The following CDHR4 variants were observed in gnomAD, a reference collection of about 807,000 sequenced individuals.
The protein encoded by CDHR4 is cadherin-related family member 4.
In CDHR4, 89 loss-of-function variants were observed where a neutral mutation model predicts 88.4. The ratio of observed to expected loss-of-function variants is 1.01; its 90% CI spans 0.85 to 1.20. The LOEUF (loss-of-function observed/expected upper bound fraction) is 1.20. Among genes scored for constraint, CDHR4 ranks in the 50% most tolerant of loss-of-function variants. The probability of loss-of-function intolerance (pLI) is 0.00; values close to 1 mark genes in which losing one functional copy is unlikely to be tolerated. For missense variants in CDHR4, 914 were observed against 1,007.2 expected, an observed-to-expected ratio of 0.91 and a Z score of 1.25; for synonymous variants, 368 against 399.2, an observed-to-expected ratio of 0.92 and a Z score of 0.93.
intron 16 of CDHR4, 41 bp downstream of exon 16, chr3:49,791,862 A>C: frequency 6.4e-7 from 1 of 1,551,626 alleles, no homozygotes; most frequent in Non-Finnish European, 8.7e-7. Context: ...TGAGTTTAAG[A>C]GATGGGATCC....
intron 4 of CDHR4, among the ~76,000 whole-genome samples, 169 bp from the exon 5 acceptor site, chr3:49,797,201 T>C (rs1421000557): frequency 1.3e-5 from 2 of 151,404 alleles, no homozygotes; most frequent in Non-Finnish European, 2.9e-5. Context: ...TTCCTTCCTT[T>C]CTTTCTTTCC....
upstream of CDHR4, among the ~76,000 whole-genome samples, chr3:49,800,113 C>A (rs978092225): frequency 1.3e-5 from 2 of 152,132 alleles, no homozygotes; most frequent in African/African-American, 4.8e-5. Context: ...ATAGAGCAAG[C>A]ACAGCACCCA....
intron 15 of CDHR4, among the ~76,000 whole-genome samples, 173 bp from the exon 16 acceptor site, chr3:49,792,132 G>C (rs1249878825): frequency 1.3e-5 from 2 of 152,192 alleles, no homozygotes; most frequent in East Asian, 1.9e-4. Context: ...AGGAACTTCA[G>C]AGTCTACAGG....
Position 49,791,893 on chromosome 3 carries a change from G to C in CDHR4, c.2195+10C>G, listed in dbSNP as rs62260715. The C allele has an allele frequency of 6.4e-7, 1 of 1,551,560 alleles. No homozygotes were observed. The highest frequency in any genetic ancestry group is 1.4e-5 in the African/African-American group (1 of 73,160). ...GATCCCAGGCATAGAAGTATGCAAA[G>C]GAGACTGACCTGTTTAGCAGCAAAG... On this transcript the variant is annotated intron_variant, in intron 16 of 18. Coordinates refer to ENST00000412678, the MANE Select transcript of CDHR4 (RefSeq NM_001007540.4).
Position 49,790,796 on chromosome 3 carries a change from A to G in CDHR4, c.*36T>C. On this transcript the variant is annotated 3_prime_UTR_variant, in exon 19 of 19. Transcript: ENST00000412678. ...AAATACAGCCCATGATGGTGTGAAA[A>G]AGAAATTCCACACATAGTAAGACAG... 6.6e-7 allele frequency: 1 copy of G among 1,526,246 alleles called. No homozygotes were observed. Among genetic ancestry groups the G allele is most frequent in the Non-Finnish European group, 8.8e-7 (1 of 1,131,718 alleles). 94.5% of individuals were successfully genotyped at this position (1,526,246 alleles called of 1,614,324 possible). A position where few individuals can be genotyped will look rare whatever the true frequency, so the allele number is the denominator to read the frequency against.
At position 49,795,462 on chromosome 3, in the gene CDHR4, C is replaced by A. The variant is rs1358629454; in HGVS notation, c.848-83G>T. 1.1e-5 allele frequency: 17 copies of A among 1,503,108 alleles called. No homozygotes were observed. Among genetic ancestry groups the A allele is most frequent in the Non-Finnish European group, 1.5e-5 (17 of 1,120,364 alleles). 93.1% of individuals were successfully genotyped at this position (1,503,108 alleles called of 1,614,324 possible). ...GCCTCCCAGCTCAGTCCCACTCCTGCCAGCCCACCAGATCCATAGGCAAAG... is the reference window on the plus strand; with the variant it reads ...GCCTCCCAGCTCAGTCCCACTCCTGACAGCCCACCAGATCCATAGGCAAAG... On this transcript the variant is annotated intron_variant, in intron 7 of 18. Transcript: ENST00000412678. This position sits in a 1 kb window ranked among gnomAD's most constrained non-coding sequence, Gnocchi z 5.4.
At chr3:49,797,473 TTTCCTTCC>T (rs200572848) in intron 4 of CDHR4, among the ~76,000 whole-genome samples, 9 of 151,530 alleles carry the variant, frequency 5.9e-5, no homozygotes, top group South Asian at 2.1e-4. Context: ...CCTTTCCTTC[TTTCCTTCC>T]TTCCTTCCTT....
chr3:49,791,638 A>T (rs2081181317), intron 17 of CDHR4, 76 bp downstream of exon 17: 2 of 1,516,624 alleles, frequency 1.3e-6, no homozygotes, highest in South Asian at 2.4e-5. Context: ...GGCATGGGAA[A>T]AAAGGCTTGG....
In CDHR4 at chr3:49,795,458, C is replaced by G; in HGVS notation, c.848-79G>C. On this transcript the variant is annotated intron_variant, in intron 7 of 18. Coordinates refer to ENST00000412678, the MANE Select transcript of CDHR4 (RefSeq NM_001007540.4). The surrounding 1 kb of genome is among the most constrained non-coding windows in gnomAD (Gnocchi z 5.4). ...CCCCGCCTCCCAGCTCAGTCCCACT[C>G]CTGCCAGCCCACCAGATCCATAGGC... The G allele has an allele frequency of 6.6e-7, 1 of 1,508,208 alleles. No homozygotes were observed. The highest frequency in any genetic ancestry group is 2.0e-5 in the Admixed American group (1 of 49,528). 93.4% of individuals were successfully genotyped at this position (1,508,208 alleles called of 1,614,324 possible).
intron 17 of CDHR4, 99 bp from the exon 18 acceptor site, chr3:49,791,567 C>T (rs1483797011): frequency 1.3e-6 from 2 of 1,486,464 alleles, no homozygotes; most frequent in African/African-American, 1.4e-5. Context: ...CCACCTGCCT[C>T]CTCCATTCTG....
chr3:49,795,223 G>A lies in CDHR4; in HGVS notation c.1004C>T (p.Pro335Leu). The change falls in exon 8 of 19, where the codon CCT becomes CTT. Residue 335 changes from proline to leucine, a missense_variant. Coordinates refer to ENST00000412678, the MANE Select transcript of CDHR4 (RefSeq NM_001007540.4). This position sits in a 1 kb window ranked among gnomAD's most constrained non-coding sequence, Gnocchi z 5.4. Reference sequence around the variant, plus strand: ...CAGAAGCGCTGGGAGGCAGCGTGGAGGCCAGAGGTTGACCAGCTGCACATT... The same window carrying A: ...CAGAAGCGCTGGGAGGCAGCGTGGAAGCCAGAGGTTGACCAGCTGCACATT... ...TMNVQLVNLW[P>L]PRCLPALLVS... The A allele has an allele frequency of 6.4e-7, 1 of 1,551,702 alleles. No homozygotes were observed. The highest frequency in any genetic ancestry group is 2.4e-5 in the East Asian group (1 of 40,924).
At chr3:49,796,493 T>C (rs950319622) in intron 5 of CDHR4, among the ~76,000 whole-genome samples, 2 of 152,038 alleles carry the variant, frequency 1.3e-5, no homozygotes, top group Non-Finnish European at 2.9e-5. Flanking sequence ...TGCGCCACCA[T>C]GCTCAGCTAA....
intron 4 of CDHR4, 34 bp from the exon 5 acceptor site, chr3:49,797,066 GC>G (rs1312892187): frequency 1.3e-6 from 2 of 1,526,310 alleles, no homozygotes; most frequent in Admixed American, 2.0e-5. Context: ...ACCACATTCA[GC>G]CCCCAGTGCC....
In CDHR4 at chr3:49,793,148, C is replaced by T; in HGVS notation, c.1774+13G>A. The T allele has an allele frequency of 2.6e-6, 4 of 1,551,278 alleles. No individual in the cohort carries two copies. Among genetic ancestry groups the T allele is most frequent in the Non-Finnish European group, 3.5e-6 (4 of 1,146,678 alleles). ...CCCCTCACTCACAACCTGGTGGTGC[C>T]CATGTCCCCTACCTCCCACGATGCT... On this transcript the variant is annotated intron_variant, in intron 13 of 18. Coordinates refer to ENST00000412678, the MANE Select transcript of CDHR4 (RefSeq NM_001007540.4).
intron 17 of CDHR4, 23 bp downstream of exon 17, chr3:49,791,691 C>T (rs2081182251): frequency 6.4e-7 from 1 of 1,551,266 alleles, no homozygotes; most frequent in Non-Finnish European, 8.7e-7. Context: ...GTGTCCACTA[C>T]TTGAGATGGT....
upstream of CDHR4, among the ~76,000 whole-genome samples, chr3:49,800,825 C>T (rs2081349943): frequency 7.0e-6 from 1 of 143,760 alleles, no homozygotes. Context: ...GCAGGAGGAT[C>T]GTTTGAGATC....
chr3:49,798,703 G>T, intron 4 of CDHR4, 123 bp downstream of exon 4: 2 of 844,696 alleles, frequency 2.4e-6, no homozygotes, highest in South Asian at 1.7e-5. Context: ...TCATGTAGAG[G>T]CTCATCTATG....
At chr3:49,797,141 C>T (rs1411943637) in intron 4 of CDHR4, 109 bp from the exon 5 acceptor site, 1 of 683,812 alleles carries the variant, frequency 1.5e-6, no homozygotes. Flanking sequence ...CCTGCCTACA[C>T]CCAATTTATT....
chr3:49,798,869 A>T lies in CDHR4; in HGVS notation c.452T>A (p.Leu151Gln), dbSNP rs138615721. 1.9e-6 allele frequency: 3 copies of T among 1,613,884 alleles called. No homozygotes were observed. In the African/African-American group the frequency reaches 4.0e-5, roughly 22 times the overall value. The change falls in exon 4 of 19, where the codon CTG becomes CAG. Residue 151 changes from leucine (L) to glutamine (Q), a missense_variant. Leu to Gln is a moderately radical substitution (Grantham distance 113). Coordinates refer to ENST00000412678, the MANE Select transcript of CDHR4 (RefSeq NM_001007540.4). ...TAGGCCTGGGAGGAGCAGAGTGTAC[A>T]GCCGAGCCCCAGGTGTGACTGTCTC... The part of the protein sequence containing the change: ...VPETVTPGAR[L>Q]YTLLLPGLEL...
Sources: gnomAD v4.1 joint callset for allele counts (sites outside exome capture counted in the v4.1 genomes callset) on GRCh38, gnomAD v4.1.1 for gene constraint, Gnocchi (gnomAD v3.1) non-coding constraint, MANE v1.5 for transcripts, NCBI Gene and HGNC (gene_info 2026-07-23, HGNC 2026-07-21) for gene names.